EYS: variants seen among roughly 807,000 people sequenced by gnomAD.
EYS encodes the protein protein eyes shut homolog.
In EYS, 250 loss-of-function variants were observed where a neutral mutation model predicts 282.1. That is an observed-to-expected ratio of 0.89 (90% CI 0.80 to 0.98). The LOEUF (loss-of-function observed/expected upper bound fraction) is 0.98. EYS is among the 50% of genes least tolerant of loss of function. EYS has a pLI of 0.00. For missense variants in EYS, 4,016 were observed against 3,709.0 expected, an observed-to-expected ratio of 1.08 and a Z score of -2.15; for synonymous variants, 1,355 against 1,282.9, an observed-to-expected ratio of 1.06 and a Z score of -1.20.
rs117164458 is a variant in EYS at position 64,105,320 on chromosome 6, G to T, written c.6425-23318C>A. ...AAATTAATAAACTTTATTTATTAGA[G>T]TATTAGGCTCACAGAAAATTCAAGA... is the stretch of plus-strand genomic sequence containing the variant. On this transcript the variant is annotated intron_variant, in intron 31 of 42. Coordinates refer to ENST00000503581, the MANE Select transcript of EYS (RefSeq NM_001142800.2). Among the ~76,000 whole-genome samples the T allele has an allele frequency of 1.6e-4, 24 of 152,078 alleles. 1 individual carries two copies. The East Asian group carries it at 4.2e-3, about 27-fold the overall frequency.
At chr6:65,095,685 G>A (rs1774719094) in intron 12 of EYS, among the ~76,000 whole-genome samples, 1 of 150,740 alleles carries the variant, frequency 6.6e-6, no homozygotes, top group Non-Finnish European at 1.5e-5. Context: ...TTAACAGAAT[G>A]AAGGATAAAC....
intron 26 of EYS, among the ~76,000 whole-genome samples, chr6:64,553,357 C>A (rs967391816): frequency 1.3e-5 from 2 of 152,056 alleles, no homozygotes; most frequent in Non-Finnish European, 1.5e-5. Context: ...AGGATTATAT[C>A]CCTTCTTTAA....
At chr6:64,441,145 T>C (rs1774931303) in intron 26 of EYS, among the ~76,000 whole-genome samples, 1 of 152,180 alleles carries the variant, frequency 6.6e-6, no homozygotes, top group Non-Finnish European at 1.5e-5. Flanking sequence ...GGGACAAGAC[T>C]ACGTTGAAGA....
intron 22 of EYS, among the ~76,000 whole-genome samples, chr6:64,755,186 C>T (rs1284065382): frequency 6.6e-6 from 1 of 151,988 alleles, no homozygotes; most frequent in African/African-American, 2.4e-5. Context: ...AAGTTCCATT[C>T]ATAATACCTA....
intron 22 of EYS, among the ~76,000 whole-genome samples, chr6:64,680,120 C>G (rs1769845845): frequency 6.6e-6 from 1 of 151,694 alleles, no homozygotes; most frequent in Non-Finnish European, 1.5e-5. Context: ...ACAGATAGTC[C>G]CTTAAACATA....
intron 29 of EYS, among the ~76,000 whole-genome samples, chr6:64,336,979 G>T (rs1450161789): frequency 1.3e-5 from 2 of 152,190 alleles, no homozygotes; most frequent in East Asian, 3.9e-4. Context: ...CAAAGGCAGT[G>T]CTAAGAGGAA....
At chr6:63,827,161 G>A (rs987974500) in intron 36 of EYS, among the ~76,000 whole-genome samples, 3 of 152,316 alleles carry the variant, frequency 2.0e-5, no homozygotes, top group Middle Eastern at 3.4e-3. Flanking sequence ...AGCAACAGCA[G>A]TTAAAAGAGA....
Position 64,066,352 on chromosome 6 carries a change from G to A in EYS, c.6711C>T (p.Thr2237=). 1 of 1,551,294 alleles carries A rather than the reference G, an allele frequency of 6.4e-7. No homozygotes were observed. The highest frequency in any genetic ancestry group is 2.0e-5 in the Admixed American group (1 of 50,894). Residue 2237 remains threonine (T), a synonymous_variant, in exon 33 of 43, where the codon ACC becomes ACT. Coordinates refer to ENST00000503581, the MANE Select transcript of EYS (RefSeq NM_001142800.2). The part of the protein sequence containing the change: ...ANYSINTNAF[T]PITIRYTTPV... The stretch of plus-strand genomic sequence containing the variant: ...ACAGTACTTACCGTATTGTGATAGG[G>A]GTGAATGCATTTGTGTTAATGCTGT...
chr6:64,219,690 C>T (rs1309830620), intron 31 of EYS, among the ~76,000 whole-genome samples: 2 of 152,342 alleles, frequency 1.3e-5, no homozygotes, highest in South Asian at 4.1e-4. Context: ...TCCTCTCCAG[C>T]ACCTGTTGTT....
At chr6:64,995,494 T>G (rs749104519) in intron 14 of EYS, among the ~76,000 whole-genome samples, 1 of 152,156 alleles carries the variant, frequency 6.6e-6, no homozygotes, top group Non-Finnish European at 1.5e-5. Flanking sequence ...CTGAAAGCTA[T>G]GAAATGCTTT....
At chr6:64,162,902 A>T (rs1201703605) in intron 31 of EYS, among the ~76,000 whole-genome samples, 1 of 152,170 alleles carries the variant, frequency 6.6e-6, no homozygotes, top group Non-Finnish European at 1.5e-5. Context: ...ACTGTTCAGA[A>T]ATAGTATGAA....
intron 12 of EYS, among the ~76,000 whole-genome samples, chr6:65,120,460 CA>C (rs67505285): frequency 0.063 from 4,316 of 68,214 alleles, 87 homozygotes; most frequent in Middle Eastern, 0.094. Context: ...TTTAAATAAG[CA>C]AAAAAAAAAA....
intron 14 of EYS, among the ~76,000 whole-genome samples, chr6:64,956,233 A>G (rs1769697549): frequency 6.6e-6 from 1 of 152,250 alleles, no homozygotes; most frequent in African/African-American, 2.4e-5. Flanking sequence ...TGTTGCTGGC[A>G]TAAAAACAGA....
chr6:65,425,795 A>C (rs952145456), intron 5 of EYS, among the ~76,000 whole-genome samples: 22 of 152,124 alleles, frequency 1.4e-4, no homozygotes, highest in African/African-American at 5.3e-4. Context: ...TCCTGGATTT[A>C]ACTGGTCATC....
intron 15 of EYS, among the ~76,000 whole-genome samples, chr6:64,933,004 C>T (rs936060564): frequency 3.9e-5 from 6 of 151,916 alleles, no homozygotes; most frequent in African/African-American, 1.4e-4. Flanking sequence ...TATTATAAGA[C>T]ATACAAAGAA....
At chr6:65,680,697 T>G (rs1034001117) in intron 1 of EYS, among the ~76,000 whole-genome samples, 1 of 152,038 alleles carries the variant, frequency 6.6e-6, no homozygotes, top group Non-Finnish European at 1.5e-5. Flanking sequence ...TTCAGCTTTC[T>G]ATTATAAATG....
chr6:65,271,930 C>T (rs991826526), intron 12 of EYS, among the ~76,000 whole-genome samples: 1 of 152,118 alleles, frequency 6.6e-6, no homozygotes, highest in African/African-American at 2.4e-5. Flanking sequence ...TGAGCTCTAC[C>T]TTCAGCCAGT....
intron 12 of EYS, among the ~76,000 whole-genome samples, chr6:65,273,162 A>G (rs1767949789): frequency 6.6e-6 from 1 of 152,196 alleles, no homozygotes; most frequent in South Asian, 2.1e-4. Context: ...AATTTAAAAT[A>G]TCTGAATGGT....
At chr6:65,555,486 C>A (rs774909085) in intron 2 of EYS, among the ~76,000 whole-genome samples, 2 of 151,958 alleles carry the variant, frequency 1.3e-5, no homozygotes, top group African/African-American at 2.4e-5. Context: ...TATTATTATA[C>A]ATTTATTCAA....
Sources: gnomAD v4.1 joint callset for allele counts (sites outside exome capture counted in the v4.1 genomes callset) on GRCh38, gnomAD v4.1.1 for gene constraint, MANE v1.5 for transcripts, NCBI Gene and HGNC (gene_info 2026-07-23, HGNC 2026-07-21) for gene names.